The following LRCH1 variants were observed in gnomAD, a reference collection of about 807,000 sequenced individuals.
LRCH1 encodes leucine rich repeats and calponin homology domain containing 1, also known as leucine-rich repeat and calponin homology domain-containing protein 1.
A neutral mutation model predicts 94.9 loss-of-function variants in LRCH1; 23 were observed. The ratio of observed to expected loss-of-function variants is 0.24; its 90% CI spans 0.17 to 0.34. The LOEUF (loss-of-function observed/expected upper bound fraction) is 0.34. Among genes scored for constraint, LRCH1 ranks in the 10% least tolerant of loss-of-function variants. LRCH1 has a pLI of 1.00. For synonymous variants in LRCH1, 364 were observed against 354.9 expected (o/e 1.03, Z -0.29); for missense variants, 790 against 945.9 (o/e 0.84, Z 2.16).
intron 4 of LRCH1, 137 bp downstream of exon 4, chr13:46,681,983 GATTTGA>G: frequency 2.3e-6 from 1 of 426,696 alleles, no homozygotes; most frequent in Non-Finnish European, 4.0e-6. Flanking sequence ...ACTTAATTAG[GATTTGA>G]ATTTCACATA....
chr13:46,606,639 T>C (rs905535009), intron 1 of LRCH1, among the ~76,000 whole-genome samples: 17 of 152,182 alleles, frequency 1.1e-4, no homozygotes, highest in African/African-American at 3.6e-4. Context: ...TGGCACAATC[T>C]CAGCTCACTG....
intron 17 of LRCH1, among the ~76,000 whole-genome samples, chr13:46,726,200 C>G (rs76553479): frequency 6.6e-6 from 1 of 152,144 alleles, no homozygotes; most frequent in Non-Finnish European, 1.5e-5. Context: ...AGTAGGCATA[C>G]TTTGCCCTAT....
At chr13:46,697,018 T>C (rs185547762) in intron 9 of LRCH1, among the ~76,000 whole-genome samples, 186 of 152,320 alleles carry the variant, frequency 1.2e-3, no homozygotes, top group Non-Finnish European at 6.8e-4. Context: ...CAGTGAGCCA[T>C]GACTGCACCA....
intron 3 of LRCH1, among the ~76,000 whole-genome samples, chr13:46,671,943 G>C (rs79309034): frequency 0.013 from 1,975 of 151,760 alleles, 39 homozygotes; most frequent in African/African-American, 0.045. Flanking sequence ...AAAGTCCACA[G>C]TTTACATTAG....
At chr13:46,740,995 C>A (rs1455133166) in intron 19 of LRCH1, among the ~76,000 whole-genome samples, 1 of 152,216 alleles carries the variant, frequency 6.6e-6, no homozygotes, top group Admixed American at 6.5e-5. Context: ...TCTACTCTCA[C>A]TACACATCCA....
intron 2 of LRCH1, among the ~76,000 whole-genome samples, chr13:46,660,456 G>T (rs1308720392): frequency 6.6e-6 from 1 of 152,142 alleles, no homozygotes; most frequent in African/African-American, 2.4e-5. Flanking sequence ...TAGGATGTAG[G>T]TGATACCAGC....
chr13:46,560,687 T>C (rs2050120846), intron 1 of LRCH1, among the ~76,000 whole-genome samples: 1 of 152,116 alleles, frequency 6.6e-6, no homozygotes, highest in Admixed American at 6.6e-5. Context: ...TGTTTTTGCA[T>C]CAGAATTTTG....
intron 1 of LRCH1, among the ~76,000 whole-genome samples, chr13:46,588,961 G>A (rs1594266549): frequency 6.7e-6 from 1 of 150,126 alleles, no homozygotes; most frequent in Non-Finnish European, 1.5e-5. Flanking sequence ...GCGGATGTGT[G>A]TATATATATA....
intron 1 of LRCH1, among the ~76,000 whole-genome samples, chr13:46,625,117 C>T (rs1335337857): frequency 6.6e-6 from 1 of 152,230 alleles, no homozygotes; most frequent in Non-Finnish European, 1.5e-5. Flanking sequence ...GATTCTTAAC[C>T]CCCTCTCTTG....
chr13:46,558,597 A>AAAAAAAAAAAAAAC (rs1278304441), intron 1 of LRCH1, among the ~76,000 whole-genome samples: 1 of 143,526 alleles, frequency 7.0e-6, no homozygotes, highest in Non-Finnish European at 1.5e-5. Flanking sequence ...AAAAAAAAAA[A>AAAAAAAAAAAAAAC]AGCTGGGTTC....
At chr13:46,648,961 A>T (rs2138076176) in intron 1 of LRCH1, among the ~76,000 whole-genome samples, 1 of 152,270 alleles carries the variant, frequency 6.6e-6, no homozygotes, top group Non-Finnish European at 1.5e-5. Flanking sequence ...ATAGTATAAG[A>T]TCCTCGTGTT....
intron 1 of LRCH1, among the ~76,000 whole-genome samples, chr13:46,646,790 A>G (rs1013511630): frequency 2.6e-5 from 4 of 152,220 alleles, no homozygotes; most frequent in South Asian, 4.2e-4. Context: ...CCAGTCCTCT[A>G]TTTTATTTGC....
chr13:46,654,838 A>G (rs2051350933), intron 2 of LRCH1, among the ~76,000 whole-genome samples: 1 of 152,226 alleles, frequency 6.6e-6, no homozygotes, highest in Non-Finnish European at 1.5e-5. Context: ...TCTTATTTCT[A>G]TTAATTGAAA....
chr13:46,723,336 C>A lies in LRCH1; in HGVS notation c.1869+6C>A. On this transcript the variant is annotated splice_donor_region_variant and intron_variant, in intron 17 of 19. Transcript: ENST00000389797. Reference sequence around the variant, plus strand: ...TGGTGGAACAACTTCGTGAGGTACCCAAGAAATATTATGTAACTAAAGGAG... The same window carrying A: ...TGGTGGAACAACTTCGTGAGGTACCAAAGAAATATTATGTAACTAAAGGAG... 6.4e-7 allele frequency: 1 copy of A among 1,560,176 alleles called. No individual in the cohort carries two copies. Among genetic ancestry groups the A allele is most frequent in the Non-Finnish European group, 8.8e-7 (1 of 1,133,722 alleles).
chr13:46,714,227 G>A (rs1040967224), intron 15 of LRCH1, among the ~76,000 whole-genome samples: 1 of 151,372 alleles, frequency 6.6e-6, no homozygotes, highest in Non-Finnish European at 1.5e-5. Context: ...AATTGTTCTT[G>A]TTGTTGAAAG....
intron 13 of LRCH1, among the ~76,000 whole-genome samples, chr13:46,711,571 A>G (rs575719983): frequency 7.0e-4 from 106 of 152,356 alleles, no homozygotes; most frequent in African/African-American, 2.4e-3. Flanking sequence ...CTTAGTTTGT[A>G]TAATACTTTA....
At chr13:46,723,405 C>A in intron 17 of LRCH1, 75 bp downstream of exon 17, 4 of 1,113,478 alleles carry the variant, frequency 3.6e-6, no homozygotes, top group Non-Finnish European at 5.3e-6. Flanking sequence ...GACTTTGAAA[C>A]ATTGCAAGCA....
chr13:46,705,931 G>A (rs761924959), intron 13 of LRCH1, among the ~76,000 whole-genome samples: 16 of 152,142 alleles, frequency 1.1e-4, no homozygotes, highest in Non-Finnish European at 2.1e-4. Flanking sequence ...AGAGAAGTTC[G>A]AGCTGGTGAT....
Position 46,610,488 on chromosome 13 carries a change from C to CT in LRCH1, c.308-39700dup, listed in dbSNP as rs745707835. On this transcript the variant is annotated intron_variant, in intron 1 of 19. Transcript: ENST00000389797. ...TCCTGAAAGATAATATCTTTTTTTC[C>CT]TTTTTTTTTTTTTAATTTCAGTAGG... Among the ~76,000 whole-genome samples the CT allele has an allele frequency of 9.1e-3, 1,262 of 139,264 alleles. 23 individuals are homozygous for CT. Among genetic ancestry groups the CT allele is most frequent in the African/African-American group, 0.029 (1,108 of 37,968 alleles). 91.4% of individuals were successfully genotyped at this position (139,264 alleles called of 152,430 possible).
Sources: gnomAD v4.1 joint callset for allele counts (sites outside exome capture counted in the v4.1 genomes callset) on GRCh38, gnomAD v4.1.1 for gene constraint, MANE v1.5 for transcripts, NCBI Gene and HGNC (gene_info 2026-07-23, HGNC 2026-07-21) for gene names.